ABCB1: variants seen among roughly 807,000 people sequenced by gnomAD.
ABCB1 encodes the protein ATP-dependent translocase ABCB1.
Under a neutral mutation model 142.0 loss-of-function variants are expected in ABCB1, and 69 were observed. The ratio of observed to expected loss-of-function variants is 0.49; its 90% confidence interval spans 0.40 to 0.59. ABCB1 has a LOEUF of 0.59. Among genes scored for constraint, ABCB1 ranks in the 20% least tolerant of loss-of-function variants. ABCB1 has a pLI of 0.00. For missense variants in ABCB1, 1,326 were observed against 1,554.7 expected, an observed-to-expected ratio of 0.85 and a Z score of 2.47; for synonymous variants, 532 against 539.2, an observed-to-expected ratio of 0.99 and a Z score of 0.18.
intron 5 of ABCB1, among the ~76,000 whole-genome samples, chr7:87,569,552 T>C (rs1252285962): frequency 6.6e-6 from 1 of 152,150 alleles, no homozygotes; most frequent in Non-Finnish European, 1.5e-5. Flanking sequence ...GATGTTTTAT[T>C]TTATTGTTCA....
intron 1 of ABCB1, among the ~76,000 whole-genome samples, chr7:87,676,852 C>T (rs1409157986): frequency 6.6e-6 from 1 of 151,920 alleles, no homozygotes; most frequent in Non-Finnish European, 1.5e-5. Context: ...ATACAGATGG[C>T]CAACTGATAT....
intron 8 of ABCB1, among the ~76,000 whole-genome samples, chr7:87,558,117 C>A (rs566324471): frequency 6.6e-6 from 1 of 152,274 alleles, no homozygotes; most frequent in East Asian, 1.9e-4. Flanking sequence ...TTCACACTAC[C>A]AGTGTTGTCC....
chr7:87,531,196 C>A, intron 21 of ABCB1, 98 bp downstream of exon 21: 7 of 1,069,296 alleles, frequency 6.5e-6, no homozygotes, highest in Non-Finnish European at 1.0e-5. Flanking sequence ...GTTATAAACA[C>A]ATTCTTAGAG....
At position 87,634,364 on chromosome 7, in the gene ABCB1, G is replaced by A. The variant is rs537885165; in HGVS notation, c.-330-33286C>T. Among the ~76,000 whole-genome samples the A allele has an allele frequency of 4.6e-5, 7 of 152,150 alleles. No individual in the cohort carries two copies. In the South Asian group the frequency reaches 1.5e-3, roughly 32 times the overall value. ...TGGCTGGGTGTGGTGGCTCATGCCT[G>A]TAATCCTAGGACTTTGGGAGGCTGA... is the stretch of plus-strand genomic sequence containing the variant. On this transcript the variant is annotated intron_variant, in intron 1 of 28. Transcript: ENST00000265724.
At chr7:87,663,147 C>A (rs1824881327) in intron 1 of ABCB1, among the ~76,000 whole-genome samples, 1 of 152,110 alleles carries the variant, frequency 6.6e-6, no homozygotes, top group South Asian at 2.1e-4. Context: ...TTGGTGAATT[C>A]TTTAGGTTAT....
At chr7:87,699,298 A>G (rs1266688106) in intron 1 of ABCB1, among the ~76,000 whole-genome samples, 2 of 152,338 alleles carry the variant, frequency 1.3e-5, no homozygotes, top group South Asian at 2.1e-4. Context: ...CCTAGGGAAG[A>G]CTAGTCATAC....
chr7:87,560,342 A>G (rs2129772303), intron 8 of ABCB1, among the ~76,000 whole-genome samples: 1 of 152,348 alleles, frequency 6.6e-6, no homozygotes, highest in South Asian at 2.1e-4. Flanking sequence ...AATATACCAT[A>G]GAACAAAAGT....
intron 7 of ABCB1, among the ~76,000 whole-genome samples, chr7:87,565,816 A>G (rs1584885719): frequency 6.6e-6 from 1 of 152,010 alleles, no homozygotes; most frequent in East Asian, 1.9e-4. Flanking sequence ...CAAAGGCAGA[A>G]GGTAGATATG....
In ABCB1 at chr7:87,561,298, C is replaced by T. The variant is rs201066815; in HGVS notation, c.792G>A (p.Val264=). The T allele has an allele frequency of 1.9e-5, 30 of 1,613,868 alleles. No homozygotes were observed. Among genetic ancestry groups the T allele is most frequent in the Non-Finnish European group, 2.5e-5 (30 of 1,179,966 alleles). ...AEEVLAAIRT[V]IAFGGQKKEL... ...CTTTCTTTTGTCCTCCAAATGCAAT[C>T]ACAGTTCTAATTGCTGCCAAGACCT... The change falls in exon 8 of 28, where the codon GTG becomes GTA. Residue 264 remains valine (V), a synonymous_variant. Coordinates refer to ENST00000622132, the MANE Select transcript of ABCB1 (RefSeq NM_001348946.2).
At chr7:87,522,059 G>A in intron 21 of ABCB1, 2 of 1,083,956 alleles carry the variant, frequency 1.8e-6, no homozygotes, top group Middle Eastern at 2.9e-4. Context: ...AGCAGCTCTG[G>A]GAACTTTGGT....
At chr7:87,561,448 T>A in intron 7 of ABCB1, 61 bp from the exon 8 acceptor site, 1 of 1,479,528 alleles carries the variant, frequency 6.8e-7, no homozygotes, top group Non-Finnish European at 9.3e-7. Context: ...TTTTGTAAAG[T>A]AAAAATAAAT....
At chr7:87,694,029 C>G (rs1193364183) in intron 1 of ABCB1, 3 of 1,587,864 alleles carry the variant, frequency 1.9e-6, no homozygotes, top group Non-Finnish European at 2.6e-6. Flanking sequence ...CGGGGGAGGG[C>G]TGTATCAGTT....
chr7:87,520,693 C>T, intron 22 of ABCB1, 83 bp downstream of exon 22: 2 of 1,254,672 alleles, frequency 1.6e-6, no homozygotes, highest in Admixed American at 1.7e-5. Context: ...TCCCTACCTT[C>T]TAGCCAAAGT....
At chr7:87,644,716 G>A (rs1822806767) in intron 1 of ABCB1, among the ~76,000 whole-genome samples, 1 of 151,818 alleles carries the variant, frequency 6.6e-6, no homozygotes, top group Non-Finnish European at 1.5e-5. Context: ...GTTGTAAAGG[G>A]ATAGGAATAT....
At chr7:87,522,061 A>G in intron 21 of ABCB1, 2 of 1,090,746 alleles carry the variant, frequency 1.8e-6, no homozygotes, top group Non-Finnish European at 2.8e-6. Context: ...CAGCTCTGGG[A>G]ACTTTGGTGG....
intron 1 of ABCB1, among the ~76,000 whole-genome samples, chr7:87,633,303 T>C (rs2130212835): frequency 6.6e-6 from 1 of 152,332 alleles, no homozygotes; most frequent in South Asian, 2.1e-4. Flanking sequence ...ATATTTTGGA[T>C]GGATTGCTTT....
chr7:87,628,833 C>G (rs1820878563), intron 1 of ABCB1: 6 of 1,257,260 alleles, frequency 4.8e-6, no homozygotes, highest in Non-Finnish European at 4.0e-6. Context: ...CATGGCCTCC[C>G]GGAGCCTGGG....
In ABCB1 at chr7:87,520,811, T is replaced by A; in HGVS notation, c.2751A>T (p.Glu917Asp). 1 of 1,614,000 alleles carries A rather than the reference T, an allele frequency of 6.2e-7. No homozygotes were observed. Among genetic ancestry groups the A allele is most frequent in the South Asian group, 1.1e-5 (1 of 91,080 alleles). ...VVSLTQEQKF[E>D]HMYAQSLQVP... ...CCTGCAAACTCTGAGCATACATATG[T>A]TCAAACTTCTGCTCCTGAGTCAAAG... Residue 917 changes from glutamate to aspartate, a missense_variant, in exon 22 of 28, where the codon GAA (glutamate) becomes GAT (aspartate). Coordinates refer to ENST00000622132, the MANE Select transcript of ABCB1 (RefSeq NM_001348946.2).
At chr7:87,622,197 A>G (rs2130099516) in intron 1 of ABCB1, among the ~76,000 whole-genome samples, 1 of 152,296 alleles carries the variant, frequency 6.6e-6, no homozygotes, top group South Asian at 2.1e-4. Context: ...ACGAACTGGG[A>G]AAAGTATTTG....
Sources: gnomAD v4.1 joint callset for allele counts (sites outside exome capture counted in the v4.1 genomes callset) on GRCh38, gnomAD v4.1.1 for gene constraint, MANE v1.5 for transcripts, NCBI Gene and HGNC (gene_info 2026-07-23, HGNC 2026-07-21) for gene names.